LRMDA: variants seen among roughly 807,000 people sequenced by gnomAD.
LRMDA encodes the protein leucine rich melanocyte differentiation associated.
A neutral mutation model predicts 29.8 loss-of-function variants in LRMDA; 18 were observed. That is an observed-to-expected ratio of 0.60 (90% CI 0.42 to 0.90). The LOEUF is 0.90. LRMDA is among the 40% of genes least tolerant of loss of function. The probability of loss-of-function intolerance (pLI) is 0.00; values close to 1 mark genes in which losing one functional copy is unlikely to be tolerated. For synonymous variants in LRMDA, 125 were observed against 109.4 expected, an observed-to-expected ratio of 1.14 and a Z score of -0.89; for missense variants, 273 against 273.9, an observed-to-expected ratio of 1.00 and a Z score of 0.02.
intron 6 of LRMDA, among the ~76,000 whole-genome samples, chr10:76,507,236 G>A (rs1020154436): frequency 6.8e-6 from 1 of 147,324 alleles, no homozygotes; most frequent in Admixed American, 6.7e-5. Context: ...TTGGCCATTT[G>A]TATGTCTTCT....
At chr10:76,417,490 G>A (rs1842028622) in intron 6 of LRMDA, among the ~76,000 whole-genome samples, 1 of 151,360 alleles carries the variant, frequency 6.6e-6, no homozygotes, top group South Asian at 2.1e-4. Flanking sequence ...AAAAATACTG[G>A]CAATGGCCCC....
At chr10:75,991,989 A>G (rs1049212160) in intron 2 of LRMDA, among the ~76,000 whole-genome samples, 4 of 152,188 alleles carry the variant, frequency 2.6e-5, no homozygotes, top group African/African-American at 9.6e-5. Context: ...CCAAGAGACT[A>G]TTTGGATCGA....
chr10:75,559,241 G>A (rs1405002431), intron 2 of LRMDA, among the ~76,000 whole-genome samples: 2 of 151,782 alleles, frequency 1.3e-5, no homozygotes, highest in Non-Finnish European at 2.9e-5. Context: ...GTGTGAGATG[G>A]TATCTCATTG....
chr10:75,764,146 T>C (rs1357818244), intron 2 of LRMDA, among the ~76,000 whole-genome samples: 3 of 152,170 alleles, frequency 2.0e-5, no homozygotes, highest in Non-Finnish European at 4.4e-5. Flanking sequence ...TTTCTAGCTC[T>C]CTCTTTCTCC....
At chr10:76,464,214 C>T (rs1030823771) in intron 6 of LRMDA, among the ~76,000 whole-genome samples, 24 of 152,066 alleles carry the variant, frequency 1.6e-4, no homozygotes, top group Non-Finnish European at 4.4e-5. Flanking sequence ...CCGCTGCGCC[C>T]GGCAGATATT....
At chr10:75,462,533 T>C (rs1039336517) in intron 2 of LRMDA, among the ~76,000 whole-genome samples, 2 of 152,184 alleles carry the variant, frequency 1.3e-5, no homozygotes, top group East Asian at 1.9e-4. Context: ...TAAAAGAATA[T>C]GAAAAACTAT....
chr10:75,608,768 G>T (rs1840992109), intron 2 of LRMDA, among the ~76,000 whole-genome samples: 1 of 152,126 alleles, frequency 6.6e-6, no homozygotes, highest in Non-Finnish European at 1.5e-5. Context: ...CCCTTTAAGT[G>T]AGGATAAGGC....
intron 5 of LRMDA, among the ~76,000 whole-genome samples, chr10:76,116,782 T>C (rs902311590): frequency 3.9e-5 from 6 of 152,124 alleles, no homozygotes; most frequent in African/African-American, 1.4e-4. Flanking sequence ...AAAGGGAAAC[T>C]GGTTTGTATT....
intron 2 of LRMDA, among the ~76,000 whole-genome samples, chr10:75,767,277 CTA>C (rs1843182032): frequency 6.6e-6 from 1 of 152,178 alleles, no homozygotes; most frequent in Admixed American, 6.5e-5. Flanking sequence ...AAAAGCATTC[CTA>C]TTTCTCCACA....
intron 5 of LRMDA, among the ~76,000 whole-genome samples, chr10:76,168,524 G>A (rs16932945): frequency 0.024 from 3,715 of 152,260 alleles, 159 homozygotes; most frequent in East Asian, 0.19. Flanking sequence ...GGAACTTGGC[G>A]AACTTGGTGA....
rs1190830216 is a variant in LRMDA at position 75,431,660 on chromosome 10, C to T, written c.-65C>T. On this transcript the variant is annotated 5_prime_UTR_variant, in exon 1 of 7. Transcript: ENST00000611255. ...GTGCGCCCGCCGCGCTCCCCTGCCG[C>T]GCTCCCCGCTGCTGCCGCCGCGCCC... 8 of 1,230,480 alleles carry T rather than the reference C, an allele frequency of 6.5e-6. No individual in the cohort carries two copies. In the Admixed American group the frequency reaches 2.6e-4, roughly 41 times the overall value. 76.2% of individuals were successfully genotyped at this position (1,230,480 alleles called of 1,614,324 possible).
chr10:76,265,246 C>T (rs2132314079), intron 5 of LRMDA, among the ~76,000 whole-genome samples: 1 of 152,226 alleles, frequency 6.6e-6, no homozygotes, highest in South Asian at 2.1e-4. Flanking sequence ...AAGGAAAAGC[C>T]TTGCATTTCC....
chr10:75,846,920 T>C (rs564397018), intron 2 of LRMDA, among the ~76,000 whole-genome samples: 1 of 152,296 alleles, frequency 6.6e-6, no homozygotes, highest in Non-Finnish European at 1.5e-5. Context: ...ACTGTTAAAA[T>C]GTCAATACTA....
intron 2 of LRMDA, among the ~76,000 whole-genome samples, chr10:75,726,700 T>C (rs1346922332): frequency 2.6e-5 from 4 of 152,230 alleles, no homozygotes; most frequent in Non-Finnish European, 5.9e-5. Context: ...TTAGCCTTCC[T>C]TTGGAGGACT....
At chr10:75,581,981 C>T (rs12415899) in intron 2 of LRMDA, among the ~76,000 whole-genome samples, 6,386 of 152,322 alleles carry the variant, frequency 0.042, 228 homozygotes, top group Admixed American at 0.12. Flanking sequence ...CTCCCTGTCT[C>T]ACATCCAGGA....
At chr10:75,882,255 A>G (rs1189079553) in intron 2 of LRMDA, among the ~76,000 whole-genome samples, 1 of 152,182 alleles carries the variant, frequency 6.6e-6, no homozygotes, top group African/African-American at 2.4e-5. Context: ...TTTTTTTTAA[A>G]TGTGAAATAA....
At chr10:75,930,934 T>G (rs1184464352) in intron 2 of LRMDA, among the ~76,000 whole-genome samples, 1 of 152,182 alleles carries the variant, frequency 6.6e-6, no homozygotes, top group Non-Finnish European at 1.5e-5. Context: ...CTGGGACATT[T>G]GCCACATCCA....
At chr10:76,203,359 C>G (rs1475338389) in intron 5 of LRMDA, among the ~76,000 whole-genome samples, 1 of 152,338 alleles carries the variant, frequency 6.6e-6, no homozygotes, top group East Asian at 1.9e-4. Flanking sequence ...CCAGGCTGCT[C>G]TCAACCTCCT....
At chr10:75,469,831 A>T (rs1844705034) in intron 2 of LRMDA, among the ~76,000 whole-genome samples, 1 of 152,168 alleles carries the variant, frequency 6.6e-6, no homozygotes, top group East Asian at 1.9e-4. Flanking sequence ...TGGGCCTAGG[A>T]ACCATAGTAA....
Sources: allele counts gnomAD v4.1 joint callset (sites outside exome capture counted in the v4.1 genomes callset), GRCh38; gene constraint gnomAD v4.1.1; transcripts MANE v1.5; gene names NCBI Gene and HGNC (gene_info 2026-07-23, HGNC 2026-07-21).